Variants in HIVEP3 observed in about 807,000 individuals in gnomAD.
HIVEP3 encodes the protein transcription factor HIVEP3.
HIVEP3 carries 49 observed loss-of-function variants against 152.8 expected under a neutral mutation model. The ratio of observed to expected loss-of-function variants is 0.32; its 90% confidence interval spans 0.26 to 0.41. The LOEUF (loss-of-function observed/expected upper bound fraction) is 0.41, where lower values mean the gene tolerates loss of function less well. Ranked by LOEUF, HIVEP3 falls within the 10% of genes least tolerant of loss-of-function variation. The pLI is 1.00. For missense variants in HIVEP3, 2,790 were observed against 3,103.3 expected, an observed-to-expected ratio of 0.90 and a Z score of 2.40; for synonymous variants, 1,269 against 1,289.0, an observed-to-expected ratio of 0.98 and a Z score of 0.33.
chr1:41,707,258 C>T (rs1487278536), intron 1 of HIVEP3, among the ~76,000 whole-genome samples: 3 of 152,130 alleles, frequency 2.0e-5, no homozygotes, highest in African/African-American at 4.8e-5. Flanking sequence ...TTTGCCAAGT[C>T]GAGGGCACTG....
chr1:41,982,311 C>T (rs150052819), intron 1 of HIVEP3, among the ~76,000 whole-genome samples: 417 of 152,276 alleles, frequency 2.7e-3, no homozygotes, highest in African/African-American at 4.3e-3. Flanking sequence ...TTTCTTCTTC[C>T]GCACAAACAA....
chr1:41,788,334 C>A (rs1649490098), intron 1 of HIVEP3, among the ~76,000 whole-genome samples: 1 of 152,218 alleles, frequency 6.6e-6, no homozygotes, highest in African/African-American at 2.4e-5. Flanking sequence ...TTAGAGGACT[C>A]CTCAGAATCA....
At chr1:41,744,529 C>T (rs1647043223) in intron 1 of HIVEP3, among the ~76,000 whole-genome samples, 1 of 152,206 alleles carries the variant, frequency 6.6e-6, no homozygotes, top group South Asian at 2.1e-4. Context: ...GGGTTGAGTT[C>T]CTGATACTCC....
intron 1 of HIVEP3, among the ~76,000 whole-genome samples, chr1:41,736,109 G>A (rs1319010203): frequency 6.6e-6 from 1 of 152,160 alleles, no homozygotes; most frequent in Non-Finnish European, 1.5e-5. Context: ...TCTGGGAGCC[G>A]ATGGTTATCA....
At chr1:41,741,042 C>A (rs1646989937) in intron 1 of HIVEP3, among the ~76,000 whole-genome samples, 1 of 152,186 alleles carries the variant, frequency 6.6e-6, no homozygotes, top group African/African-American at 2.4e-5. Context: ...TGTGCCAGCC[C>A]TGGCCAAACA....
At chr1:41,996,080 T>C (rs552071110) in intron 1 of HIVEP3, among the ~76,000 whole-genome samples, 1 of 152,144 alleles carries the variant, frequency 6.6e-6, no homozygotes, top group Non-Finnish European at 1.5e-5. Context: ...ACTATGTCTG[T>C]GGTCTCAGCT....
intron 1 of HIVEP3, among the ~76,000 whole-genome samples, chr1:41,901,170 C>T (rs1644615573): frequency 6.6e-6 from 1 of 151,946 alleles, no homozygotes; most frequent in Admixed American, 6.6e-5. Context: ...GCCCAAGCAG[C>T]TTGGGGGACA....
intron 3 of HIVEP3, among the ~76,000 whole-genome samples, chr1:41,628,422 C>T (rs1645148132): frequency 6.6e-6 from 1 of 152,126 alleles, no homozygotes; most frequent in Admixed American, 6.6e-5. Flanking sequence ...GCTGTGGCCC[C>T]TGGAGAGGGG....
rs746815171 is a variant in HIVEP3, at chr1:41,582,338, C to T, written c.2460G>A (p.Gly820=). 2.5e-6 allele frequency: 4 copies of T among 1,614,072 alleles called. No homozygotes were observed. Among genetic ancestry groups the T allele is most frequent in the Admixed American group, 1.7e-5 (1 of 60,016 alleles). The change falls in exon 4 of 9, where the codon GGG becomes GGA. Residue 820 remains glycine, a synonymous_variant. Transcript: ENST00000372583. This position sits in a 1 kb window ranked among gnomAD's most constrained non-coding sequence, Gnocchi z 4.7. ...GGAACTGGGCCAGAGGTTTGTCTTC[C>T]CCTTCCAAGCCACTCGGCTGCTCGA... ...DSLEQPSGLE[G]EDKPLAQFPS...
At chr1:41,888,523 G>T (rs1570744229) in intron 1 of HIVEP3, among the ~76,000 whole-genome samples, 1 of 151,934 alleles carries the variant, frequency 6.6e-6, no homozygotes, top group East Asian at 1.9e-4. Flanking sequence ...GGGCCAAAGA[G>T]GGGGAAAAAG....
intron 2 of HIVEP3, among the ~76,000 whole-genome samples, chr1:41,672,821 G>A (rs538180028): frequency 6.6e-6 from 1 of 152,294 alleles, no homozygotes; most frequent in East Asian, 1.9e-4. Context: ...CAGGGACCAT[G>A]CCTGGATTCC....
intron 1 of HIVEP3, among the ~76,000 whole-genome samples, chr1:41,710,872 T>C (rs1265536935): frequency 1.3e-5 from 2 of 152,194 alleles, no homozygotes; most frequent in Non-Finnish European, 2.9e-5. Context: ...CAGCTAAGAA[T>C]TTGACATGGA....
intron 1 of HIVEP3, among the ~76,000 whole-genome samples, chr1:41,752,248 C>T (rs1478811849): frequency 1.3e-5 from 2 of 152,334 alleles, no homozygotes; most frequent in East Asian, 3.9e-4. Flanking sequence ...CTGCACCTCC[C>T]TGGTCAGCAC....
intron 5 of HIVEP3, chr1:41,544,105 A>T (rs2149071454): frequency 6.6e-6 from 1 of 152,240 alleles, no homozygotes; most frequent in African/African-American, 2.4e-5. Flanking sequence ...TGCCACCTTT[A>T]TGATCAAGAT....
chr1:41,628,128 AG>A (rs1645143802), intron 3 of HIVEP3, among the ~76,000 whole-genome samples: 1 of 152,170 alleles, frequency 6.6e-6, no homozygotes, highest in Admixed American at 6.5e-5. Flanking sequence ...GCCTCTCCCC[AG>A]GCTCATTTGA....
chr1:41,782,973 C>T (rs1649140578), intron 1 of HIVEP3, among the ~76,000 whole-genome samples: 1 of 152,160 alleles, frequency 6.6e-6, no homozygotes, highest in African/African-American at 2.4e-5. Context: ...CTTTTCAGAT[C>T]AGCAGCGGGG....
At chr1:41,588,501 T>A (rs904386601) in intron 3 of HIVEP3, among the ~76,000 whole-genome samples, 2 of 152,116 alleles carry the variant, frequency 1.3e-5, no homozygotes, top group African/African-American at 4.8e-5. Flanking sequence ...AGCTGGGGTT[T>A]GGTGCAATTC....
intron 2 of HIVEP3, among the ~76,000 whole-genome samples, chr1:41,700,376 C>T (rs1180904859): frequency 6.6e-6 from 1 of 152,146 alleles, no homozygotes; most frequent in Non-Finnish European, 1.5e-5. Flanking sequence ...GAAATACAGG[C>T]CCCCTCCCCA....
intron 1 of HIVEP3, among the ~76,000 whole-genome samples, chr1:41,737,291 C>T (rs1011706765): frequency 2.0e-5 from 3 of 152,154 alleles, no homozygotes; most frequent in Admixed American, 6.5e-5. Flanking sequence ...GATTAAGATA[C>T]TGTGTGTGTA....
Sources: gnomAD v4.1 joint callset for allele counts (sites outside exome capture counted in the v4.1 genomes callset) on GRCh38, gnomAD v4.1.1 for gene constraint, Gnocchi (gnomAD v3.1) non-coding constraint, MANE v1.5 for transcripts, NCBI Gene and HGNC (gene_info 2026-07-23, HGNC 2026-07-21) for gene names.